The following TPM3 variants were observed in gnomAD, a reference collection of about 807,000 sequenced individuals.
TPM3 encodes the protein tropomyosin 3.
In TPM3, 16 loss-of-function variants were observed where a neutral mutation model predicts 43.1. That is an observed-to-expected ratio of 0.37 (90% CI 0.25 to 0.56). TPM3 has a LOEUF of 0.56. TPM3 is among the 20% of genes least tolerant of loss of function. The pLI is 0.77. For missense variants in TPM3, 176 were observed against 337.2 expected (o/e 0.52, Z 3.74); for synonymous variants, 101 against 116.9 (o/e 0.86, Z 0.88).
At chr1:154,172,887 T>G (rs1291174903) in intron 5 of TPM3, 21 bp downstream of exon 5, 1 of 1,614,080 alleles carries the variant, frequency 6.2e-7, no homozygotes, top group Non-Finnish European at 8.5e-7. Flanking sequence ...AATGACAAGA[T>G]TTGGGGAGCT....
intron 9 of TPM3, 37 bp downstream of exon 9, chr1:154,169,268 C>T: frequency 6.2e-7 from 1 of 1,610,442 alleles, no homozygotes; most frequent in South Asian, 1.1e-5. Context: ...CACCCACAAG[C>T]CAAGATCCCA....
chr1:154,175,368 T>C (rs1662189065), intron 3 of TPM3, among the ~76,000 whole-genome samples: 1 of 151,782 alleles, frequency 6.6e-6, no homozygotes, highest in Non-Finnish European at 1.5e-5. Flanking sequence ...TGGAGAACTT[T>C]AAAAACATCA....
chr1:154,159,484 A>G (rs1363775335), downstream of TPM3, among the ~76,000 whole-genome samples: 1 of 152,236 alleles, frequency 6.6e-6, no homozygotes, highest in African/African-American at 2.4e-5. Flanking sequence ...ACAGCATTAT[A>G]AACAGTATAC....
intron 2 of TPM3, among the ~76,000 whole-genome samples, chr1:154,178,377 T>G (rs533834508): frequency 2.6e-5 from 4 of 152,318 alleles, no homozygotes; most frequent in African/African-American, 9.6e-5. Context: ...TGAACAAGCC[T>G]GTATCAAAAG....
Position 154,167,023 on chromosome 1 carries a change from A to G in TPM3, c.*914T>C, listed in dbSNP as rs1038509976. 6.6e-6 allele frequency among the ~76,000 whole-genome samples: 1 copy of G among 152,194 alleles called. No homozygotes were observed. Among genetic ancestry groups the G allele is most frequent in the Non-Finnish European group, 1.5e-5 (1 of 68,024 alleles). On this transcript the variant is annotated 3_prime_UTR_variant, in exon 10 of 10. Coordinates refer to ENST00000651641, the MANE Select transcript of TPM3 (RefSeq NM_152263.4). Reference sequence around the variant, plus strand: ...TAAAATGTTGATATTTAATTCCACAATATGAACCAAGGAAAATTTTACTAG... The same window carrying G: ...TAAAATGTTGATATTTAATTCCACAGTATGAACCAAGGAAAATTTTACTAG...
intron 5 of TPM3, chr1:154,171,707 G>C (rs1661594996): frequency 1.6e-6 from 1 of 636,570 alleles, no homozygotes; most frequent in Non-Finnish European, 2.8e-6. Context: ...AAAAATGTTT[G>C]AATACTAATA....
Position 154,170,743 on chromosome 1 carries a change from T to G in TPM3, c.643-32A>C, listed in dbSNP as rs747552944. 1.1e-5 allele frequency: 16 copies of G among 1,474,706 alleles called. No individual in the cohort carries two copies. In the South Asian group the frequency reaches 1.8e-4, roughly 17 times the overall value. 91.4% of individuals were successfully genotyped at this position (1,474,706 alleles called of 1,614,324 possible). A position where few individuals can be genotyped will look rare whatever the true frequency, so the allele number is the denominator to read the frequency against. On this transcript the variant is annotated intron_variant, in intron 6 of 9. Coordinates refer to ENST00000651641, the MANE Select transcript of TPM3 (RefSeq NM_152263.4). The stretch of plus-strand genomic sequence containing the variant: ...GATAAGTAGATTAAAAATTTCAGAG[T>G]AGAAATTAGTCACACAGGCAATACC...
chr1:154,167,777 T>TG lies in TPM3; in HGVS notation c.*159dup. 10 of 1,538,302 alleles carry TG rather than the reference T, an allele frequency of 6.5e-6. 1 individual carries two copies. In the South Asian group the frequency reaches 8.4e-5, roughly 13 times the overall value. On this transcript the variant is annotated 3_prime_UTR_variant, in exon 10 of 10. Transcript: ENST00000651641. The stretch of plus-strand genomic sequence containing the variant: ...AGCAGCTTAACATTTTAATTTGGGG[T>TG]GGGGGTGGAAGAAAATACATAAGTT...
Position 154,167,612 on chromosome 1 carries a change from C to T in TPM3, c.*325G>A, listed in dbSNP as rs886045315. The T allele has an allele frequency of 1.6e-6, 2 of 1,225,870 alleles. No individual in the cohort carries two copies. The highest frequency in any genetic ancestry group is 2.1e-6 in the Non-Finnish European group (2 of 973,172). The allele number at this position is 1,225,870 out of a possible 1,614,324, so 75.9% of individuals were successfully genotyped here. On this transcript the variant is annotated 3_prime_UTR_variant, in exon 10 of 10. Coordinates refer to ENST00000651641, the MANE Select transcript of TPM3 (RefSeq NM_152263.4). Reference sequence around the variant, plus strand: ...TAAATGTCAAGAAAAAATAGACACACACAAAAGTGGCTTTGATTACATAAG... The same window carrying T: ...TAAATGTCAAGAAAAAATAGACACATACAAAAGTGGCTTTGATTACATAAG...
chr1:154,176,123 C>A lies in TPM3; in HGVS notation c.369G>T (p.Glu123Asp), dbSNP rs775813144. Residue 123 changes from glutamate to aspartate, a missense_variant, in exon 3 of 10, where the codon GAG becomes GAT. Glu to Asp is a conservative substitution (Grantham distance 45, BLOSUM62 2). This residue lies in a region of TPM3 where 82 missense variants were observed against 148.8 expected (regional missense o/e 0.55). Coordinates refer to ENST00000651641, the MANE Select transcript of TPM3 (RefSeq NM_152263.4). The stretch of plus-strand genomic sequence containing the variant: ...CAGGCTTCCCTACACACCTCTCACT[C>A]TCATCAGCAGCTTTTTCAGCTTCTT... ...KLEEAEKAAD[E>D]SERGMKVIEN... The A allele has an allele frequency of 6.2e-7, 1 of 1,613,796 alleles. No individual in the cohort carries two copies. The highest frequency in any genetic ancestry group is 8.5e-7 in the Non-Finnish European group (1 of 1,180,044).
At chr1:154,178,604 G>T (rs1400697150) in intron 2 of TPM3, among the ~76,000 whole-genome samples, 1 of 152,234 alleles carries the variant, frequency 6.6e-6, no homozygotes, top group African/African-American at 2.4e-5. Flanking sequence ...CACAGTGCCT[G>T]TCCCTTTCAG....
downstream of TPM3, chr1:154,158,869 AAAT>A (rs1215218189): frequency 2.7e-6 from 2 of 753,418 alleles, no homozygotes; most frequent in Non-Finnish European, 2.4e-6. Context: ...GCTCAGGGCA[AAAT>A]AATAACTTTT....
In TPM3 at chr1:154,165,381, A is replaced by G. The variant is rs1233613264; in HGVS notation, c.*2556T>C. Among the ~76,000 whole-genome samples, 1 of 152,050 alleles carries G rather than the reference A, an allele frequency of 6.6e-6. No individual in the cohort carries two copies. The highest frequency in any genetic ancestry group is 2.4e-5 in the African/African-American group (1 of 41,402). ...AGCCTGGGTGACAGAGCGAGACTCC[A>G]TCTCAAAAAGAGAAAAATAAATAAA... On this transcript the variant is annotated 3_prime_UTR_variant, in exon 10 of 10. Transcript: ENST00000651641.
In TPM3 at chr1:154,166,739, T is replaced by C; in HGVS notation, c.*1198A>G. The C allele has an allele frequency of 1.0e-6, 1 of 970,390 alleles. No homozygotes were observed. Among genetic ancestry groups the C allele is most frequent in the Non-Finnish European group, 1.2e-6 (1 of 816,732 alleles). The allele number at this position is 970,390 out of a possible 1,614,324, so 60.1% of individuals were successfully genotyped here. A position where few individuals can be genotyped will look rare whatever the true frequency, so the allele number is the denominator to read the frequency against. On this transcript the variant is annotated 3_prime_UTR_variant, in exon 10 of 10. Transcript: ENST00000651641. ...CTCTGTTGCCCAGGCTGGAATGCAG[T>C]GGCGCGATCTCCGCTCACTGCAACC...
intron 2 of TPM3, among the ~76,000 whole-genome samples, chr1:154,184,282 C>T (rs1221676342): frequency 6.6e-6 from 1 of 152,072 alleles, no homozygotes; most frequent in African/African-American, 2.4e-5. Flanking sequence ...CGTGATCTGC[C>T]GGCCTCGGCC....
At chr1:154,170,219 T>A in intron 8 of TPM3, 181 bp downstream of exon 8, 1 of 650,036 alleles carries the variant, frequency 1.5e-6, no homozygotes. Flanking sequence ...AGATTAAATT[T>A]AAAAAACCAA....
chr1:154,175,505 AG>A (rs1286796324), intron 3 of TPM3, among the ~76,000 whole-genome samples: 1 of 152,072 alleles, frequency 6.6e-6, no homozygotes, highest in African/African-American at 2.4e-5. Context: ...ACCAGCGTTG[AG>A]AAGGCTTACT....
At chr1:154,176,654 A>G (rs76595846) in intron 2 of TPM3, among the ~76,000 whole-genome samples, 7 of 143,742 alleles carry the variant, frequency 4.9e-5, no homozygotes, top group Non-Finnish European at 9.4e-5. Flanking sequence ...ATAAAGCAGG[A>G]AAAAAAAAAA....
intron 9 of TPM3, among the ~76,000 whole-genome samples, chr1:154,169,072 G>A (rs1485013057): frequency 6.6e-6 from 1 of 152,136 alleles, no homozygotes; most frequent in Non-Finnish European, 1.5e-5. Flanking sequence ...CTGACCTCAC[G>A]TGATCCACCT....
Sources: allele counts gnomAD v4.1 joint callset (sites outside exome capture counted in the v4.1 genomes callset), GRCh38; gene constraint gnomAD v4.1.1; regional missense constraint gnomAD v4.1.1; transcripts MANE v1.5; gene names NCBI Gene and HGNC (gene_info 2026-07-23, HGNC 2026-07-21).